The following CELF4 variants were observed in gnomAD, a reference collection of about 807,000 sequenced individuals.
CELF4 encodes CUG-BP- and ETR-3-like factor 4.
In CELF4, 18 loss-of-function variants were observed where a neutral mutation model predicts 59.9. The observed-to-expected ratio is 0.30, with a 90% CI of 0.21 to 0.45. CELF4 has a LOEUF of 0.45. Ranked by LOEUF, CELF4 falls within the 20% of genes least tolerant of loss-of-function variation. The pLI, the probability that CELF4 is intolerant of heterozygous loss-of-function variation, is 1.00. For synonymous variants in CELF4, 261 were observed against 267.1 expected (o/e 0.98, Z 0.22); for missense variants, 456 against 689.0 (o/e 0.66, Z 3.79).
intron 3 of CELF4, among the ~76,000 whole-genome samples, chr18:37,319,978 G>A (rs2097036509): frequency 6.6e-6 from 1 of 152,196 alleles, no homozygotes; most frequent in African/African-American, 2.4e-5. Flanking sequence ...AGCCCTGGCG[G>A]GGGGAAGGGT....
intron 10 of CELF4, among the ~76,000 whole-genome samples, chr18:37,259,570 C>G (rs1009006323): frequency 1.3e-5 from 2 of 152,162 alleles, no homozygotes; most frequent in Non-Finnish European, 2.9e-5. Flanking sequence ...GAGGCGGAGT[C>G]GACCTACTGC....
intron 3 of CELF4, among the ~76,000 whole-genome samples, chr18:37,289,890 T>C (rs1410227560): frequency 6.6e-6 from 1 of 152,236 alleles, no homozygotes; most frequent in African/African-American, 2.4e-5. Flanking sequence ...GCCTGCAGAC[T>C]GGGCATTGCC....
chr18:37,418,902 A>T (rs983252664), intron 2 of CELF4, among the ~76,000 whole-genome samples: 2 of 152,210 alleles, frequency 1.3e-5, no homozygotes, highest in African/African-American at 2.4e-5. Context: ...AGCAAAGGTT[A>T]GGTGTGCTTG....
intron 9 of CELF4, among the ~76,000 whole-genome samples, chr18:37,264,962 G>A (rs576336791): frequency 3.6e-4 from 55 of 152,196 alleles, no homozygotes; most frequent in African/African-American, 1.2e-3. Context: ...GTGTGGGTGT[G>A]TGTACGTGTG....
chr18:37,330,597 CTGTT>C (rs1289569526), intron 2 of CELF4, among the ~76,000 whole-genome samples: 2 of 152,324 alleles, frequency 1.3e-5, no homozygotes, highest in South Asian at 2.1e-4. Context: ...ATTTGTTTGT[CTGTT>C]TGTCTCCACC....
chr18:37,348,228 C>T (rs940303645), intron 2 of CELF4, among the ~76,000 whole-genome samples: 1 of 152,112 alleles, frequency 6.6e-6, no homozygotes, highest in African/African-American at 2.4e-5. Flanking sequence ...CACAATTTCC[C>T]CACCTGCTAA....
chr18:37,439,317 C>A (rs1459127521), intron 2 of CELF4, among the ~76,000 whole-genome samples: 1 of 152,116 alleles, frequency 6.6e-6, no homozygotes, highest in African/African-American at 2.4e-5. Context: ...CCCTCAGTGT[C>A]CATGAAAGTG....
intron 2 of CELF4, among the ~76,000 whole-genome samples, chr18:37,433,487 C>G (rs1280973875): frequency 6.6e-6 from 1 of 152,170 alleles, no homozygotes; most frequent in Non-Finnish European, 1.5e-5. Context: ...CTCTCTGTGC[C>G]CCTACGGTGT....
chr18:37,270,764 T>C lies in CELF4; in HGVS notation c.1099+4A>G, dbSNP rs1268756991. ...CGGAAATAAGTGCTGACAGATGTGCTTACCTGGGTAGGGGTGGATGCCATT... is the reference window on the plus strand; with the variant it reads ...CGGAAATAAGTGCTGACAGATGTGCCTACCTGGGTAGGGGTGGATGCCATT... On this transcript the variant is annotated splice_donor_region_variant and intron_variant, in intron 8 of 12. Coordinates refer to ENST00000420428, the MANE Select transcript of CELF4 (RefSeq NM_020180.4). 8.7e-6 allele frequency: 14 copies of C among 1,613,946 alleles called. No individual in the cohort carries two copies. The highest frequency in any genetic ancestry group is 1.2e-5 in the Non-Finnish European group (14 of 1,179,954).
intron 1 of CELF4, among the ~76,000 whole-genome samples, chr18:37,528,134 A>G (rs1182583572): frequency 6.6e-6 from 1 of 152,242 alleles, no homozygotes; most frequent in East Asian, 1.9e-4. Context: ...GGAAAATTGG[A>G]AACTCACATC....
chr18:37,537,116 T>C (rs1481086189), intron 1 of CELF4, among the ~76,000 whole-genome samples: 3 of 152,236 alleles, frequency 2.0e-5, no homozygotes, highest in Non-Finnish European at 4.4e-5. Context: ...TCTTTGTCCC[T>C]GGCATTTGCC....
rs767129559 is a variant in CELF4 at position 37,557,669 on chromosome 18, G to A, written c.286+7687C>T. On this transcript the variant is annotated intron_variant, in intron 1 of 12. Transcript: ENST00000420428. ...GTCAGTTTATGCGTTGTCCAGAGCC[G>A]GCCTTCGGAAGTCTCTGTCAATTAA... 4.6e-5 allele frequency among the ~76,000 whole-genome samples: 7 copies of A among 152,162 alleles called. No individual in the cohort carries two copies. In the South Asian group the frequency reaches 1.0e-3, roughly 23 times the overall value.
At chr18:37,435,058 T>C (rs539392133) in intron 2 of CELF4, among the ~76,000 whole-genome samples, 8 of 152,118 alleles carry the variant, frequency 5.3e-5, no homozygotes, top group Admixed American at 2.6e-4. Flanking sequence ...TAGTAACTGT[T>C]CTCTTCCAGC....
At chr18:37,319,296 A>T (rs590060) in intron 3 of CELF4, among the ~76,000 whole-genome samples, 78,573 of 152,106 alleles carry the variant, frequency 0.52, 20,815 homozygotes, top group East Asian at 0.75. Context: ...CACAAACCAC[A>T]TGGGCTTCGC....
At chr18:37,523,431 T>C (rs922858733) in intron 1 of CELF4, among the ~76,000 whole-genome samples, 15 of 152,160 alleles carry the variant, frequency 9.9e-5, no homozygotes, top group African/African-American at 3.4e-4. Flanking sequence ...GTACCTGCCA[T>C]GTGTCCCTAA....
chr18:37,388,139 G>A (rs1261736881), intron 2 of CELF4, among the ~76,000 whole-genome samples: 22 of 152,196 alleles, frequency 1.4e-4, no homozygotes, highest in Non-Finnish European at 1.8e-4. Flanking sequence ...GAGAGAGGAG[G>A]GATCACCTGA....
intron 1 of CELF4, among the ~76,000 whole-genome samples, chr18:37,529,821 A>G (rs1465257555): frequency 1.3e-5 from 2 of 152,242 alleles, no homozygotes; most frequent in East Asian, 3.9e-4. Context: ...GCCTCCGTAT[A>G]TCTCCCTGAA....
At chr18:37,262,983 C>G (rs1379410785) in intron 10 of CELF4, among the ~76,000 whole-genome samples, 1 of 152,146 alleles carries the variant, frequency 6.6e-6, no homozygotes, top group Non-Finnish European at 1.5e-5. Flanking sequence ...CCCTGATGCC[C>G]CTGATCTCAG....
intron 2 of CELF4, among the ~76,000 whole-genome samples, chr18:37,422,056 G>A (rs993777774): frequency 2.6e-5 from 4 of 152,218 alleles, no homozygotes; most frequent in Non-Finnish European, 5.9e-5. Flanking sequence ...TGGAAGACAC[G>A]GCGCTCAGTT....
Sources: gnomAD v4.1 joint callset for allele counts (sites outside exome capture counted in the v4.1 genomes callset) on GRCh38, gnomAD v4.1.1 for gene constraint, MANE v1.5 for transcripts, NCBI Gene and HGNC (gene_info 2026-07-23, HGNC 2026-07-21) for gene names.